Variants in PCDHGB3 observed in about 807,000 individuals in gnomAD.
The protein encoded by PCDHGB3 is protocadherin gamma-B3.
PCDHGB3 carries 40 observed loss-of-function variants against 59.2 expected under a neutral mutation model. The ratio of observed to expected loss-of-function variants is 0.68; its 90% CI spans 0.52 to 0.88. The LOEUF is 0.88. Among genes scored for constraint, PCDHGB3 ranks in the 40% least tolerant of loss-of-function variants. The pLI, the probability that PCDHGB3 is intolerant of heterozygous loss-of-function variation, is 0.00. For synonymous variants in PCDHGB3, 581 were observed against 503.6 expected (o/e 1.15, Z -2.06); for missense variants, 1,309 against 1,187.9 (o/e 1.10, Z -1.50).
intron 1 of PCDHGB3, chr5:141,404,247 T>C: frequency 6.2e-7 from 1 of 1,613,870 alleles, no homozygotes; most frequent in Non-Finnish European, 8.5e-7. Flanking sequence ...ACTCCGCCCC[T>C]GTCCACAGAA....
chr5:141,476,039 C>T lies in PCDHGB3; in HGVS notation c.2416-18768C>T. The T allele has an allele frequency of 1.3e-6, 2 of 1,484,358 alleles. No homozygotes were observed. The highest frequency in any genetic ancestry group is 1.8e-6 in the Non-Finnish European group (2 of 1,117,328). The allele number at this position is 1,484,358 out of a possible 1,614,324, so 91.9% of individuals were successfully genotyped here. On this transcript the variant is annotated intron_variant, in intron 1 of 3. Coordinates refer to ENST00000576222, the MANE Select transcript of PCDHGB3 (RefSeq NM_018924.5). The surrounding 1 kb of genome is among the most constrained non-coding windows in gnomAD (Gnocchi z 7.6). Reference sequence around the variant, plus strand: ...TCGGACTCGGCGCCCAGCGCCCAAGCGCTAACCCGCTGAAAGTTTCTCAGC... The same window carrying T: ...TCGGACTCGGCGCCCAGCGCCCAAGTGCTAACCCGCTGAAAGTTTCTCAGC...
rs567522277 is a variant in PCDHGB3, at chr5:141,485,131, A to G, written c.2416-9676A>G. 1.3e-6 allele frequency: 2 copies of G among 1,482,660 alleles called. No individual in the cohort carries two copies. The highest frequency in any genetic ancestry group is 1.2e-5 in the South Asian group (1 of 83,730). 91.8% of individuals were successfully genotyped at this position (1,482,660 alleles called of 1,614,324 possible). ...TGGCTGTTTGGGGCGGGTCGGCTTC[A>G]TCCGCGTCTCAGGAGCAAGTAGAGA... On this transcript the variant is annotated intron_variant, in intron 1 of 3. Transcript: ENST00000576222. The surrounding 1 kb of genome is among the most constrained non-coding windows in gnomAD (Gnocchi z 5.7).
chr5:141,492,787 G>A (rs1308203463), intron 1 of PCDHGB3, among the ~76,000 whole-genome samples: 2 of 152,254 alleles, frequency 1.3e-5, no homozygotes, highest in Admixed American at 6.5e-5. Context: ...AGCCTCTATA[G>A]GACAGCAGGA....
intron 1 of PCDHGB3, among the ~76,000 whole-genome samples, chr5:141,454,476 A>G (rs918910449): frequency 6.6e-6 from 1 of 151,806 alleles, no homozygotes; most frequent in Non-Finnish European, 1.5e-5. Flanking sequence ...GCATGATCTC[A>G]GCTCACCGCA....
At chr5:141,394,923 T>G in intron 1 of PCDHGB3, 2 of 1,613,816 alleles carry the variant, frequency 1.2e-6, no homozygotes, top group Non-Finnish European at 8.5e-7. Context: ...CTCCTGTGTC[T>G]TCCTCGCCTT....
At position 141,477,505 on chromosome 5, in the gene PCDHGB3, C is replaced by T. The variant is rs2099412175; in HGVS notation, c.2416-17302C>T. The T allele has an allele frequency of 5.0e-6, 8 of 1,614,126 alleles. No individual in the cohort carries two copies. Among genetic ancestry groups the T allele is most frequent in the Admixed American group, 1.7e-5 (1 of 60,024 alleles). On this transcript the variant is annotated intron_variant, in intron 1 of 3. Transcript: ENST00000576222. This position sits in a 1 kb window ranked among gnomAD's most constrained non-coding sequence, Gnocchi z 4.9. ...CACAATCTTCTCAATCTTCCTACGACGTTTACATTGAAGAAAACAACCTCC... is the reference window on the plus strand; with the variant it reads ...CACAATCTTCTCAATCTTCCTACGATGTTTACATTGAAGAAAACAACCTCC...
At position 141,489,783 on chromosome 5, in the gene PCDHGB3, T is replaced by C; in HGVS notation, c.2416-5024T>C. The C allele has an allele frequency of 6.2e-7, 1 of 1,614,164 alleles. No individual in the cohort carries two copies. On this transcript the variant is annotated intron_variant, in intron 1 of 3. Transcript: ENST00000576222. The surrounding 1 kb of genome is among the most constrained non-coding windows in gnomAD (Gnocchi z 4.5). ...GCCCCAACAGCCACTTCTCTCTGAA[T>C]GTGAAGACCCTAAAAGATGGGAAGC... is the stretch of plus-strand genomic sequence containing the variant.
chr5:141,440,464 G>A (rs2003094), intron 1 of PCDHGB3: 3,293 of 152,144 alleles, frequency 0.022, 52 homozygotes, highest in South Asian at 0.038. Context: ...ATGAACAAAC[G>A]GTAGTTGAAA....
intron 1 of PCDHGB3, chr5:141,389,176 C>G (rs775758481): frequency 6.2e-7 from 1 of 1,614,064 alleles, no homozygotes; most frequent in South Asian, 1.1e-5. Flanking sequence ...CCTCCCCTCT[C>G]CTCCAGTTCC....
intron 3 of PCDHGB3, 48 bp downstream of exon 3, chr5:141,505,529 T>C (rs1479433990): frequency 1.9e-6 from 3 of 1,612,066 alleles, no homozygotes; most frequent in Non-Finnish European, 2.5e-6. Context: ...CCTGGGGTTC[T>C]GGGGTGCATC....
rs188091361 is a variant in PCDHGB3, at chr5:141,375,199, C to T, written c.2415+2390C>T. 47 of 1,613,924 alleles carry T rather than the reference C, an allele frequency of 2.9e-5. No individual in the cohort carries two copies. The South Asian group carries it at 4.7e-4, about 16-fold the overall frequency. ...CAGTAATCGCCCTTTTTCAAGTGTT[C>T]GATCGAGACTCTGGCCTGAATGGCC... On this transcript the variant is annotated intron_variant, in intron 1 of 3. Transcript: ENST00000576222.
chr5:141,491,662 A>C lies in PCDHGB3; in HGVS notation c.2416-3145A>C. 2 of 1,613,770 alleles carry C rather than the reference A, an allele frequency of 1.2e-6. No homozygotes were observed. The highest frequency in any genetic ancestry group is 1.7e-6 in the Non-Finnish European group (2 of 1,180,018). ...AGCTCTGGCGCTGGAGCCTGACGCC[A>C]TCCGGTCCCGCTCTAATACGCTGCG... On this transcript the variant is annotated intron_variant, in intron 1 of 3. Coordinates refer to ENST00000576222, the MANE Select transcript of PCDHGB3 (RefSeq NM_018924.5). This position sits in a 1 kb window ranked among gnomAD's most constrained non-coding sequence, Gnocchi z 6.9.
chr5:141,400,099 T>G (rs574278907), intron 1 of PCDHGB3: 1 of 1,614,072 alleles, frequency 6.2e-7, no homozygotes, highest in African/African-American at 1.3e-5. Flanking sequence ...CACGCTGCAC[T>G]TGGTCTTTGC....
intron 1 of PCDHGB3, chr5:141,418,573 C>T (rs749104686): frequency 6.2e-7 from 1 of 1,613,944 alleles, no homozygotes; most frequent in Non-Finnish European, 8.5e-7. Flanking sequence ...CCAATGACAA[C>T]CCCCCAGTGT....
At chr5:141,436,327 C>T (rs1384222077) in intron 1 of PCDHGB3, among the ~76,000 whole-genome samples, 1 of 152,098 alleles carries the variant, frequency 6.6e-6, no homozygotes, top group Admixed American at 6.5e-5. Flanking sequence ...ACTGTTAGAC[C>T]ATATCTCAAA....
At chr5:141,453,370 G>A (rs969698165) in intron 1 of PCDHGB3, among the ~76,000 whole-genome samples, 1 of 152,046 alleles carries the variant, frequency 6.6e-6, no homozygotes, top group Non-Finnish European at 1.5e-5. Context: ...CTGGGGTCAA[G>A]TGATCCTCCT....
At chr5:141,402,908 G>A (rs772824235) in intron 1 of PCDHGB3, 1 of 1,545,226 alleles carries the variant, frequency 6.5e-7, no homozygotes, top group Admixed American at 2.0e-5. Context: ...TGATGAAGCA[G>A]CGCGCACAGA....
At chr5:141,472,617 A>G (rs1024856184) in intron 1 of PCDHGB3, among the ~76,000 whole-genome samples, 3 of 152,138 alleles carry the variant, frequency 2.0e-5, no homozygotes, top group African/African-American at 7.2e-5. Flanking sequence ...CAAAGAAGAA[A>G]AAAGATAAAG....
At position 141,489,220 on chromosome 5, in the gene PCDHGB3, C is replaced by T; in HGVS notation, c.2416-5587C>T. ...AGACAGGACAGCACAGACTTACTCT[C>T]CACAAAGGGACTTCTGGGTCATGGG... On this transcript the variant is annotated intron_variant, in intron 1 of 3. Transcript: ENST00000576222. This position sits in a 1 kb window ranked among gnomAD's most constrained non-coding sequence, Gnocchi z 4.5. The T allele has an allele frequency of 6.6e-7, 1 of 1,508,698 alleles. No homozygotes were observed. The highest frequency in any genetic ancestry group is 8.9e-7 in the Non-Finnish European group (1 of 1,122,110). The allele number at this position is 1,508,698 out of a possible 1,614,324, so 93.5% of individuals were successfully genotyped here.
Sources: gnomAD v4.1 joint callset for allele counts (sites outside exome capture counted in the v4.1 genomes callset) on GRCh38, gnomAD v4.1.1 for gene constraint, Gnocchi (gnomAD v3.1) non-coding constraint, MANE v1.5 for transcripts, NCBI Gene and HGNC (gene_info 2026-07-23, HGNC 2026-07-21) for gene names.